The following HTR1F variants were observed in gnomAD, a reference collection of about 807,000 sequenced individuals.
HTR1F encodes the protein 5-hydroxytryptamine (serotonin) receptor 1F, G protein-coupled.
HTR1F carries 17 observed loss-of-function variants against 24.0 expected under a neutral mutation model. That is an observed-to-expected ratio of 0.71 (90% CI 0.48 to 1.06). HTR1F has a LOEUF of 1.06. Ranked by LOEUF, HTR1F falls within the 50% of genes least tolerant of loss-of-function variation. The pLI is 0.00. For synonymous variants in HTR1F, 186 were observed against 156.8 expected (o/e 1.19, Z -1.39); for missense variants, 391 against 427.8 (o/e 0.91, Z 0.76).
chr3:87,934,204 A>T (rs1265904640), intron 2 of HTR1F, among the ~76,000 whole-genome samples: 4 of 152,262 alleles, frequency 2.6e-5, no homozygotes, highest in South Asian at 2.1e-4. Flanking sequence ...TAACAGTAAC[A>T]GAGAAAGAAT....
chr3:87,925,948 G>A (rs1704116365), intron 2 of HTR1F, among the ~76,000 whole-genome samples: 3 of 152,154 alleles, frequency 2.0e-5, no homozygotes, highest in Admixed American at 2.0e-4. Context: ...ATGTAGTTAT[G>A]TATTTGTTGT....
rs1364031403 is a variant in HTR1F, at chr3:87,843,088, A to G, written c.-43+20964A>G. On this transcript the variant is annotated intron_variant, in intron 2 of 2. Coordinates refer to ENST00000319595, the MANE Select transcript of HTR1F (RefSeq NM_001322209.2). The stretch of plus-strand genomic sequence containing the variant: ...ATGCAATTGAAGCCGCTGAGGTTTT[A>G]TCTGTACCTCTGCATCTGGAATGAT... Among the ~76,000 whole-genome samples, 3 of 151,928 alleles carry G rather than the reference A, an allele frequency of 2.0e-5. No individual in the cohort carries two copies. In the East Asian group the frequency reaches 5.8e-4, roughly 29 times the overall value.
At chr3:87,853,868 C>T (rs62267039) in intron 2 of HTR1F, among the ~76,000 whole-genome samples, 21,337 of 151,908 alleles carry the variant, frequency 0.14, 1,884 homozygotes, top group Non-Finnish European at 0.19. Context: ...CTTCTTTTAA[C>T]GAGTGTCTGT....
At position 87,914,577 on chromosome 3, in the gene HTR1F, C is replaced by T. The variant is rs147083779; in HGVS notation, c.-42-76131C>T. Among the ~76,000 whole-genome samples the T allele has an allele frequency of 3.2e-3, 482 of 152,084 alleles. 3 individuals carry two copies. The highest frequency in any genetic ancestry group is 0.01 in the Middle Eastern group (3 of 292). On this transcript the variant is annotated intron_variant, in intron 2 of 2. Transcript: ENST00000319595. The stretch of plus-strand genomic sequence containing the variant: ...GAGGCCTGTAACTGCCAGCTTTCCC[C>T]CCACTTCCCTGACAACCTGCATGAC...
In HTR1F at chr3:87,826,551, G is replaced by A. The variant is rs75437843; in HGVS notation, c.-43+4427G>A. ...TTCCCTGCTTATACATCCCGTAAAC[G>A]CCCATTATTCTCAGATCAGCTTCTC... On this transcript the variant is annotated intron_variant, in intron 2 of 2. Transcript: ENST00000319595. Among the ~76,000 whole-genome samples the A allele has an allele frequency of 5.7e-4, 87 of 152,036 alleles. 1 individual carries two copies. In the East Asian group the frequency reaches 0.014, roughly 24 times the overall value.
At chr3:87,861,538 T>C (rs1705318327) in intron 2 of HTR1F, among the ~76,000 whole-genome samples, 1 of 152,154 alleles carries the variant, frequency 6.6e-6, no homozygotes, top group Non-Finnish European at 1.5e-5. Flanking sequence ...TATTGACTTT[T>C]ACCAGAATAG....
intron 2 of HTR1F, among the ~76,000 whole-genome samples, chr3:87,958,135 T>C (rs1411721081): frequency 6.6e-6 from 1 of 151,600 alleles, no homozygotes; most frequent in Non-Finnish European, 1.5e-5. Context: ...ATTGGAGTCA[T>C]GGATTATTTA....
chr3:87,836,830 A>C (rs1296656922), intron 2 of HTR1F, among the ~76,000 whole-genome samples: 4 of 151,910 alleles, frequency 2.6e-5, no homozygotes. Flanking sequence ...CTTGGAGCCC[A>C]TTTTTTCTTT....
chr3:87,988,709 C>T (rs1402887611), intron 2 of HTR1F, among the ~76,000 whole-genome samples: 2 of 151,746 alleles, frequency 1.3e-5, no homozygotes, highest in East Asian at 1.9e-4. Flanking sequence ...GCTGGGACTA[C>T]AGGCGTGTGC....
chr3:87,809,823 T>C (rs567422502), intron 1 of HTR1F, among the ~76,000 whole-genome samples: 49 of 152,212 alleles, frequency 3.2e-4, no homozygotes, highest in African/African-American at 1.1e-3. Flanking sequence ...AAATTCATCT[T>C]GTCCAATGTT....
rs1186298835 is a variant in HTR1F at position 87,991,419 on chromosome 3, G to A, written c.670G>A (p.Glu224Lys). The A allele has an allele frequency of 1.2e-6, 2 of 1,613,968 alleles. No homozygotes were observed. Among genetic ancestry groups the A allele is most frequent in the Non-Finnish European group, 1.7e-6 (2 of 1,179,932 alleles). The change falls in exon 3 of 3, where the codon GAG (glutamate) becomes AAG (lysine). Residue 224 changes from glutamate to lysine, a missense_variant. Coordinates refer to ENST00000319595, the MANE Select transcript of HTR1F (RefSeq NM_001322209.2). ...ACAAGCAAGTAGGATTGCAAAGGAG[G>A]AGGTGAATGGCCAAGTCCTTTTGGA... The part of the protein sequence containing the change: ...KRQASRIAKE[E>K]VNGQVLLESG...
intron 2 of HTR1F, among the ~76,000 whole-genome samples, chr3:87,929,722 A>G (rs1398146972): frequency 2.0e-5 from 3 of 152,132 alleles, no homozygotes; most frequent in Non-Finnish European, 4.4e-5. Flanking sequence ...ATAGTTTGAT[A>G]TCAGGTAACA....
chr3:87,811,948 A>T (rs1575896099), intron 1 of HTR1F, among the ~76,000 whole-genome samples: 1 of 152,220 alleles, frequency 6.6e-6, no homozygotes, highest in Admixed American at 6.5e-5. Flanking sequence ...CTTTATAAGT[A>T]TTTGATAGTT....
intron 2 of HTR1F, among the ~76,000 whole-genome samples, chr3:87,899,195 G>A (rs201478095): frequency 1.3e-5 from 2 of 152,146 alleles, no homozygotes; most frequent in East Asian, 3.8e-4. Flanking sequence ...AATGTATTAA[G>A]GAAACCAAAG....
At chr3:87,899,828 A>G (rs1706283414) in intron 2 of HTR1F, among the ~76,000 whole-genome samples, 1 of 152,186 alleles carries the variant, frequency 6.6e-6, no homozygotes, top group Admixed American at 6.5e-5. Context: ...GCGCCACTGC[A>G]CTCCAGCCTG....
chr3:87,914,706 C>T (rs969707733), intron 2 of HTR1F, among the ~76,000 whole-genome samples: 3 of 151,936 alleles, frequency 2.0e-5, no homozygotes, highest in African/African-American at 7.3e-5. Flanking sequence ...CAAGTAGAGT[C>T]TAAGTTTAAA....
At chr3:87,860,602 G>A (rs183014936) in intron 2 of HTR1F, among the ~76,000 whole-genome samples, 4 of 151,964 alleles carry the variant, frequency 2.6e-5, no homozygotes, top group Admixed American at 1.3e-4. Flanking sequence ...TTTCCCTCTC[G>A]TCATCAGTGA....
intron 1 of HTR1F, among the ~76,000 whole-genome samples, chr3:87,821,065 A>C (rs1307613159): frequency 6.6e-6 from 1 of 152,216 alleles, no homozygotes; most frequent in Non-Finnish European, 1.5e-5. Flanking sequence ...TTGATATTTC[A>C]TACCAGTTGT....
intron 2 of HTR1F, among the ~76,000 whole-genome samples, chr3:87,932,513 G>C (rs1704304625): frequency 6.6e-6 from 1 of 152,064 alleles, no homozygotes; most frequent in Non-Finnish European, 1.5e-5. Context: ...GCTTAGGATT[G>C]ACTTGGCAAT....
Sources: allele counts gnomAD v4.1 joint callset (sites outside exome capture counted in the v4.1 genomes callset), GRCh38; gene constraint gnomAD v4.1.1; transcripts MANE v1.5; gene names NCBI Gene and HGNC (gene_info 2026-07-23, HGNC 2026-07-21).